The following WDPCP variants were observed in gnomAD, a reference collection of about 807,000 sequenced individuals.
The protein encoded by WDPCP is WD repeat-containing and planar cell polarity effector protein fritz homolog.
WDPCP carries 71 observed loss-of-function variants against 93.1 expected under a neutral mutation model. That is an observed-to-expected ratio of 0.76 (90% CI 0.63 to 0.93). WDPCP has a LOEUF of 0.93. Among genes scored for constraint, WDPCP ranks in the 40% least tolerant of loss-of-function variants. WDPCP has a pLI of 0.00. For synonymous variants in WDPCP, 315 were observed against 315.0 expected (o/e 1.00, Z 0.00); for missense variants, 844 against 887.4 (o/e 0.95, Z 0.62).
At chr2:63,810,824 A>G (rs1027401806) in intron 2 of WDPCP, among the ~76,000 whole-genome samples, 6 of 152,242 alleles carry the variant, frequency 3.9e-5, no homozygotes, top group Non-Finnish European at 5.9e-5. Flanking sequence ...CTATTGCTTT[A>G]TAAACAATAT....
chr2:63,244,595 C>T (rs1680123905), intron 14 of WDPCP, among the ~76,000 whole-genome samples: 1 of 152,144 alleles, frequency 6.6e-6, no homozygotes, highest in South Asian at 2.1e-4. Context: ...CACCTCTATG[C>T]ACACAAACTG....
At chr2:63,127,167 A>T (rs143051137) in intron 17 of WDPCP, among the ~76,000 whole-genome samples, 1 of 144,378 alleles carries the variant, frequency 6.9e-6, no homozygotes, top group Admixed American at 7.1e-5. Context: ...CTGTCACTAG[A>T]CTGGAGTGCA....
chr2:63,802,281 TAAAAAAAAAAAAAAAAAAAAAAAAAAAA>T (rs58717654), intron 2 of WDPCP, among the ~76,000 whole-genome samples: 3 of 54,388 alleles, frequency 5.5e-5, no homozygotes, highest in Admixed American at 3.4e-4. Flanking sequence ...CCCTCTCTCT[TAAAAAAAAAAAAAAAAAAAAAAAAAAAA>T]AAAAAAAAAA....
chr2:63,497,323 T>C (rs1343752357), intron 1 of WDPCP, among the ~76,000 whole-genome samples: 1 of 151,898 alleles, frequency 6.6e-6, no homozygotes, highest in East Asian at 1.9e-4. Context: ...GAGAAGAAAA[T>C]GGCCAATGTC....
Position 63,607,261 on chromosome 2 carries a change from G to C in WDPCP, n.488+43398C>G, listed in dbSNP as rs906002815. 3 of 206,428 alleles carry C rather than the reference G, an allele frequency of 1.5e-5. No homozygotes were observed. In the East Asian group the frequency reaches 4.0e-4, roughly 28 times the overall value. 12.8% of individuals were successfully genotyped at this position (206,428 alleles called of 1,614,324 possible). ...ATTCAGGAAGCAAACTTGCGGACAGGCGCAGTGACTGACACCTGTAATCCC... is the reference window on the plus strand; with the variant it reads ...ATTCAGGAAGCAAACTTGCGGACAGCCGCAGTGACTGACACCTGTAATCCC... On this transcript the variant is annotated intron_variant and non_coding_transcript_variant, in intron 3 of 4. Coordinates refer to the WDPCP transcript ENST00000467687.
chr2:63,657,728 G>C (rs1710185582), intron 2 of WDPCP, among the ~76,000 whole-genome samples: 1 of 152,136 alleles, frequency 6.6e-6, no homozygotes, highest in African/African-American at 2.4e-5. Context: ...CAAAAACACT[G>C]AGTCTATTTC....
intron 1 of WDPCP, chr2:63,571,312 T>C (rs1707482614): frequency 4.5e-6 from 2 of 445,866 alleles, no homozygotes; most frequent in Non-Finnish European, 8.9e-6. Context: ...AAGAATGTTA[T>C]AATTTTTAAA....
chr2:63,644,243 C>CTTTTTT (rs1167296293), intron 3 of WDPCP, among the ~76,000 whole-genome samples: 4 of 118,486 alleles, frequency 3.4e-5, no homozygotes, highest in Non-Finnish European at 3.3e-5. Flanking sequence ...TTCTCCTCTA[C>CTTTTTT]TTTTTTTTTT....
At chr2:63,793,006 CTCT>C (rs1670565718) in intron 2 of WDPCP, among the ~76,000 whole-genome samples, 1 of 151,932 alleles carries the variant, frequency 6.6e-6, no homozygotes, top group African/African-American at 2.4e-5. Flanking sequence ...GTATGCTCTC[CTCT>C]TCTTAATTTT....
chr2:63,481,963 A>G (rs1309368010), intron 6 of WDPCP, among the ~76,000 whole-genome samples: 1 of 151,980 alleles, frequency 6.6e-6, no homozygotes, highest in Non-Finnish European at 1.5e-5. Flanking sequence ...AAAATAAAAT[A>G]AACTACTATC....
chr2:63,317,638 C>G (rs1021789748), intron 12 of WDPCP, among the ~76,000 whole-genome samples: 1 of 152,046 alleles, frequency 6.6e-6, no homozygotes, highest in African/African-American at 2.4e-5. Flanking sequence ...TGATCTTTGA[C>G]AAGATAGACA....
intron 3 of WDPCP, among the ~76,000 whole-genome samples, chr2:63,647,093 T>C (rs1026040162): frequency 6.6e-6 from 1 of 152,062 alleles, no homozygotes; most frequent in African/African-American, 2.4e-5. Flanking sequence ...GCTTCATTGT[T>C]TTTTCTTCTT....
At position 63,122,042 on chromosome 2, in the gene WDPCP, A is replaced by T; in HGVS notation, c.2205T>A (p.Gly735=). 6.2e-7 allele frequency: 1 copy of T among 1,612,366 alleles called. No homozygotes were observed. The highest frequency in any genetic ancestry group is 8.5e-7 in the Non-Finnish European group (1 of 1,178,718). Reference sequence around the variant, plus strand: ...CAAAGTGAATCATTTTGAGAGAACCACCATCTCTGATTTCCTGCAAATAAA... The same window carrying T: ...CAAAGTGAATCATTTTGAGAGAACCTCCATCTCTGATTTCCTGCAAATAAA... The part of the protein sequence containing the change: ...EDGREQEIRD[G]GSLKMIHFGL... The change falls in exon 18 of 18, where the codon GGT becomes GGA. Residue 735 remains glycine, a synonymous_variant. Transcript: ENST00000272321.
At position 63,721,847 on chromosome 2, in the gene WDPCP, C is replaced by T. The variant is rs1669419934; in HGVS notation, n.309-71009G>A. Among the ~76,000 whole-genome samples, 6 of 152,130 alleles carry T rather than the reference C, an allele frequency of 3.9e-5. No homozygotes were observed. The South Asian group carries it at 1.2e-3, about 32-fold the overall frequency. Reference sequence around the variant, plus strand: ...CTCACTGCAACCTCCCTGCCTGATTCTCCTGACTCAGCCTGCCGAGTGCCT... The same window carrying T: ...CTCACTGCAACCTCCCTGCCTGATTTTCCTGACTCAGCCTGCCGAGTGCCT... On this transcript the variant is annotated intron_variant and non_coding_transcript_variant, in intron 2 of 4. Coordinates refer to the WDPCP transcript ENST00000467687.
At chr2:63,671,761 A>T (rs1200460214) in intron 2 of WDPCP, among the ~76,000 whole-genome samples, 1 of 152,136 alleles carries the variant, frequency 6.6e-6, no homozygotes. Flanking sequence ...TCAGACTAAT[A>T]TAATATCCAA....
intron 2 of WDPCP, among the ~76,000 whole-genome samples, chr2:63,686,926 C>CCTAT (rs1315829261): frequency 6.6e-6 from 1 of 151,018 alleles, no homozygotes; most frequent in Admixed American, 6.6e-5. Context: ...CAGATAGACC[C>CCTAT]CTATCTCTTG....
intron 9 of WDPCP, among the ~76,000 whole-genome samples, chr2:63,415,947 G>C (rs1258563921): frequency 2.6e-5 from 4 of 151,912 alleles, no homozygotes; most frequent in Non-Finnish European, 2.9e-5. Flanking sequence ...GGAAGGGGAA[G>C]TTCTTAATAA....
At chr2:63,642,467 T>C (rs1449952238) in intron 3 of WDPCP, 2 of 151,456 alleles carry the variant, frequency 1.3e-5, no homozygotes, top group South Asian at 2.1e-4. Flanking sequence ...TTCTTTCTTT[T>C]TTTTTTTTTG....
intron 4 of WDPCP, 100 bp from the exon 5 acceptor site, chr2:63,485,087 T>C (rs1700490708): frequency 1.6e-6 from 2 of 1,228,430 alleles, no homozygotes; most frequent in South Asian, 1.3e-5. Context: ...AACACCTCTA[T>C]AATCGAGAGG....
Sources: allele counts gnomAD v4.1 joint callset (sites outside exome capture counted in the v4.1 genomes callset), GRCh38; gene constraint gnomAD v4.1.1; transcripts MANE v1.5; gene names NCBI Gene and HGNC (gene_info 2026-07-23, HGNC 2026-07-21).